PARD3B: variants seen among roughly 807,000 people sequenced by gnomAD.
PARD3B encodes partitioning defective 3 homolog B.
PARD3B carries 103 observed loss-of-function variants against 130.2 expected under a neutral mutation model. The observed-to-expected ratio is 0.79, with a 90% confidence interval of 0.67 to 0.93. PARD3B has a LOEUF of 0.93. PARD3B is among the 40% of genes least tolerant of loss of function. The pLI is 0.00. For synonymous variants in PARD3B, 583 were observed against 553.2 expected (o/e 1.05, Z -0.76); for missense variants, 1,609 against 1,499.2 (o/e 1.07, Z -1.21).
intron 3 of PARD3B, among the ~76,000 whole-genome samples, chr2:204,988,811 A>G (rs1408924712): frequency 6.6e-6 from 1 of 152,224 alleles, no homozygotes; most frequent in East Asian, 1.9e-4. Context: ...TTTACAAGAA[A>G]TGGTGTGCCC....
At chr2:204,589,731 G>A (rs1469728628) in intron 1 of PARD3B, among the ~76,000 whole-genome samples, 2 of 152,202 alleles carry the variant, frequency 1.3e-5, no homozygotes, top group African/African-American at 4.8e-5. Context: ...AGATAACCAT[G>A]AGTTTTGGTG....
At chr2:204,808,919 T>C (rs2042867397) in intron 2 of PARD3B, among the ~76,000 whole-genome samples, 1 of 151,452 alleles carries the variant, frequency 6.6e-6, no homozygotes, top group Non-Finnish European at 1.5e-5. Context: ...CTGCTTTTCA[T>C]TTTCTCCACA....
intron 10 of PARD3B, among the ~76,000 whole-genome samples, chr2:205,144,515 C>T (rs1371749716): frequency 2.6e-5 from 4 of 152,172 alleles, no homozygotes; most frequent in Non-Finnish European, 4.4e-5. Context: ...GATATATTCA[C>T]ATTTTAATTT....
intron 21 of PARD3B, among the ~76,000 whole-genome samples, chr2:205,514,210 A>G (rs1229196696): frequency 6.6e-6 from 1 of 152,144 alleles, no homozygotes. Context: ...ACCATCAATT[A>G]GTTGGTCACT....
chr2:204,575,613 T>C (rs2032217210), intron 1 of PARD3B, among the ~76,000 whole-genome samples: 1 of 152,178 alleles, frequency 6.6e-6, no homozygotes, highest in Non-Finnish European at 1.5e-5. Flanking sequence ...GCGTGTGGTG[T>C]CATCTCTGCT....
chr2:204,622,195 C>T (rs1233561301), intron 1 of PARD3B, among the ~76,000 whole-genome samples: 1 of 152,136 alleles, frequency 6.6e-6, no homozygotes, highest in Admixed American at 6.5e-5. Flanking sequence ...GCTGTCTTTC[C>T]AGGATGATGT....
chr2:204,693,371 A>G (rs556906098), intron 2 of PARD3B, among the ~76,000 whole-genome samples: 4 of 152,014 alleles, frequency 2.6e-5, no homozygotes, highest in Non-Finnish European at 5.9e-5. Context: ...AGAATGGTTA[A>G]GATCTTGGAT....
chr2:205,481,458 G>T (rs1365394799), intron 20 of PARD3B, among the ~76,000 whole-genome samples: 1 of 152,154 alleles, frequency 6.6e-6, no homozygotes, highest in Admixed American at 6.6e-5. Flanking sequence ...GGAGTCAGGA[G>T]CGGAGAGACT....
intron 18 of PARD3B, among the ~76,000 whole-genome samples, chr2:205,355,682 A>G (rs2044165677): frequency 6.6e-6 from 1 of 152,116 alleles, no homozygotes; most frequent in African/African-American, 2.4e-5. Context: ...ATATTAGTCA[A>G]TTTTCATACT....
At position 205,458,729 on chromosome 2, in the gene PARD3B, C is replaced by G. The variant is rs561421565; in HGVS notation, c.3044+18057C>G. Among the ~76,000 whole-genome samples the G allele has an allele frequency of 1.5e-4, 23 of 152,254 alleles. 1 individual carries two copies. The highest frequency in any genetic ancestry group is 5.1e-4 in the African/African-American group (21 of 41,558). Reference sequence around the variant, plus strand: ...TCATATTGTTTGATTTTCTTCTTCACTTTAGTCATTTGGTCTTATCTCCTG... The same window carrying G: ...TCATATTGTTTGATTTTCTTCTTCAGTTTAGTCATTTGGTCTTATCTCCTG... On this transcript the variant is annotated intron_variant, in intron 20 of 22. Transcript: ENST00000406610. This position sits in a 1 kb window ranked among gnomAD's most constrained non-coding sequence, Gnocchi z 4.8.
chr2:204,891,977 A>T (rs530696154), intron 2 of PARD3B, among the ~76,000 whole-genome samples: 2 of 152,266 alleles, frequency 1.3e-5, no homozygotes, highest in East Asian at 3.9e-4. Context: ...AGCATTGATT[A>T]TTCATTTATT....
At chr2:205,310,658 A>G (rs1450403454) in intron 18 of PARD3B, among the ~76,000 whole-genome samples, 3 of 151,484 alleles carry the variant, frequency 2.0e-5, no homozygotes, top group Non-Finnish European at 2.9e-5. Context: ...GCTGCTGCAA[A>G]TGACAAGATT....
At chr2:205,531,326 A>G (rs914068994) in intron 21 of PARD3B, among the ~76,000 whole-genome samples, 1 of 152,120 alleles carries the variant, frequency 6.6e-6, no homozygotes, top group Non-Finnish European at 1.5e-5. Context: ...GCAGGAAATG[A>G]TCTTATTGAG....
At position 204,965,132 on chromosome 2, in the gene PARD3B, G is replaced by A. The variant is rs763402306; in HGVS notation, c.223-20G>A. ...ATGCATGTCCTACAAAGTAATTAGT[G>A]TTGTTGGATTTGTTTGTAGCTGATT... On this transcript the variant is annotated intron_variant, in intron 2 of 22. Transcript: ENST00000406610. 3.1e-6 allele frequency: 5 copies of A among 1,610,054 alleles called. No homozygotes were observed. In the Admixed American group the frequency reaches 8.4e-5, roughly 27 times the overall value.
chr2:205,259,932 G>A (rs2040237006), intron 16 of PARD3B, among the ~76,000 whole-genome samples: 1 of 152,090 alleles, frequency 6.6e-6, no homozygotes, highest in Non-Finnish European at 1.5e-5. Context: ...TCATATACAT[G>A]TTGTACACAT....
chr2:205,011,798 T>G lies in PARD3B; in HGVS notation c.395-35783T>G, dbSNP rs1185789236. On this transcript the variant is annotated intron_variant, in intron 3 of 22. Transcript: ENST00000406610. The surrounding 1 kb of genome is among the most constrained non-coding windows in gnomAD (Gnocchi z 4.1). ...TGACTCTTCCTTAGTTTTCTGGGTT[T>G]TTTTTTTTTACAACCATGCATCACA... 1.3e-5 allele frequency among the ~76,000 whole-genome samples: 2 copies of G among 151,956 alleles called. No individual in the cohort carries two copies. The highest frequency in any genetic ancestry group is 2.4e-5 in the African/African-American group (1 of 41,392).
In PARD3B at chr2:204,590,534, A is replaced by G. The variant is rs367891165; in HGVS notation, c.120+44415A>G. Among the ~76,000 whole-genome samples the G allele has an allele frequency of 4.6e-5, 7 of 152,306 alleles. No individual in the cohort carries two copies. In the South Asian group the frequency reaches 6.2e-4, roughly 14 times the overall value. On this transcript the variant is annotated intron_variant, in intron 1 of 22. Transcript: ENST00000406610. ...ACCCTTACTCCACTCTCTTCTGGGCATATGGCAAGTGAGATTCTGACTTTA... is the reference window on the plus strand; with the variant it reads ...ACCCTTACTCCACTCTCTTCTGGGCGTATGGCAAGTGAGATTCTGACTTTA...
chr2:204,545,546 G>A lies in PARD3B; in HGVS notation c.-454G>A, dbSNP rs1334174579. ...GCGCAAAAGTTTCCTCCCAACTCTGGCCCCGTGCGCCGCCGCCGCCGCCGC... is the reference window on the plus strand; with the variant it reads ...GCGCAAAAGTTTCCTCCCAACTCTGACCCCGTGCGCCGCCGCCGCCGCCGC... On this transcript the variant is annotated 5_prime_UTR_variant, in exon 1 of 23. Coordinates refer to ENST00000406610, the MANE Select transcript of PARD3B (RefSeq NM_001302769.2). Among the ~76,000 whole-genome samples the A allele has an allele frequency of 2.0e-5, 3 of 151,962 alleles. No individual in the cohort carries two copies.
Position 205,183,967 on chromosome 2 carries a change from T to C in PARD3B, c.1925-1797T>C, listed in dbSNP as rs1370655374. ...AACGGGCTTGAGACTCAGGAAGAAC[T>C]GATGTTTCCGTTTGGGTCTGAAGAT... On this transcript the variant is annotated intron_variant, in intron 13 of 22. Coordinates refer to ENST00000406610, the MANE Select transcript of PARD3B (RefSeq NM_001302769.2). This position sits in a 1 kb window ranked among gnomAD's most constrained non-coding sequence, Gnocchi z 5.2. Among the ~76,000 whole-genome samples the C allele has an allele frequency of 6.6e-6, 1 of 151,694 alleles. No individual in the cohort carries two copies. The highest frequency in any genetic ancestry group is 2.4e-5 in the African/African-American group (1 of 41,376).
Sources: gnomAD v4.1 joint callset for allele counts (sites outside exome capture counted in the v4.1 genomes callset) on GRCh38, gnomAD v4.1.1 for gene constraint, Gnocchi (gnomAD v3.1) non-coding constraint, MANE v1.5 for transcripts, NCBI Gene and HGNC (gene_info 2026-07-23, HGNC 2026-07-21) for gene names.